Variants in P2RY8 observed in about 807,000 individuals in gnomAD.
The protein encoded by P2RY8 is S-geranylgeranyl-glutathione receptor P2RY8.
In P2RY8, 6 loss-of-function variants were observed where a neutral mutation model predicts 10.0. The ratio of observed to expected loss-of-function variants is 0.60; its 90% CI spans 0.33 to 1.19. P2RY8 has a LOEUF of 1.19. Among genes scored for constraint, P2RY8 ranks in the 50% most tolerant of loss-of-function variants. The probability of loss-of-function intolerance (pLI) is 0.04; values close to 1 mark genes in which losing one functional copy is unlikely to be tolerated. For synonymous variants in P2RY8, 276 were observed against 252.5 expected, an observed-to-expected ratio of 1.09 and a Z score of -0.88; for missense variants, 456 against 542.0, an observed-to-expected ratio of 0.84 and a Z score of 1.58.
intron 1 of P2RY8, among the ~76,000 whole-genome samples, chrX:1,506,688 T>TC: frequency 6.6e-6 from 1 of 151,904 alleles, no homozygotes; most frequent in African/African-American, 2.4e-5. Flanking sequence ...CTTTCTTTTT[T>TC]TTTTTTTGAG....
At chrX:1,502,970 G>A (rs2092194640) in intron 1 of P2RY8, among the ~76,000 whole-genome samples, 1 of 152,088 alleles carries the variant, frequency 6.6e-6, no homozygotes, top group African/African-American at 2.4e-5. Context: ...CTAGAGCCCA[G>A]AACCTGGAAT....
chrX:1,488,733 GGT>G (rs771296428), intron 1 of P2RY8, among the ~76,000 whole-genome samples: 21,064 of 147,268 alleles, frequency 0.14, 4,108 homozygotes, highest in African/African-American at 0.45. Flanking sequence ...GTAAATGCAG[GGT>G]GTGTGTGTGT....
At position 1,464,126 on chromosome X, in the gene P2RY8, C is replaced by G. The variant is rs1223734947; in HGVS notation, c.*1353G>C. ...GGAGGGGCCGGGCATCCAAGGCCACCCACTGCGGAGACGCAGAGCCCGTGG... is the reference window on the plus strand; with the variant it reads ...GGAGGGGCCGGGCATCCAAGGCCACGCACTGCGGAGACGCAGAGCCCGTGG... On this transcript the variant is annotated 3_prime_UTR_variant, in exon 2 of 2. Coordinates refer to ENST00000381297, the MANE Select transcript of P2RY8 (RefSeq NM_178129.5). 1 of 233,294 alleles carries G rather than the reference C, an allele frequency of 4.3e-6. No individual in the cohort carries two copies. Among genetic ancestry groups the G allele is most frequent in the African/African-American group, 2.2e-5 (1 of 45,360 alleles). 14.5% of individuals were successfully genotyped at this position (233,294 alleles called of 1,614,324 possible).
chrX:1,491,162 A>G (rs1393727635), intron 1 of P2RY8, among the ~76,000 whole-genome samples: 7 of 149,506 alleles, frequency 4.7e-5, no homozygotes, highest in Admixed American at 2.7e-4. Context: ...ATGATACCCC[A>G]GATTCACTTC....
At chrX:1,496,093 C>T (rs1272668588) in intron 1 of P2RY8, among the ~76,000 whole-genome samples, 6 of 152,154 alleles carry the variant, frequency 3.9e-5, no homozygotes, top group African/African-American at 1.2e-4. Context: ...TGTTTTATTA[C>T]GGCGGCCGAG....
At position 1,464,844 on chromosome X, in the gene P2RY8, C is replaced by T. The variant is rs759697125; in HGVS notation, c.*635G>A. Reference sequence around the variant, plus strand: ...GTAGCTGACTTGCAGGAGCCCCAGGCGCTCCTCTGAAAGAAGAATTCCAAC... The same window carrying T: ...GTAGCTGACTTGCAGGAGCCCCAGGTGCTCCTCTGAAAGAAGAATTCCAAC... On this transcript the variant is annotated 3_prime_UTR_variant, in exon 2 of 2. Transcript: ENST00000381297. The T allele has an allele frequency of 6.0e-5, 14 of 233,558 alleles. No individual in the cohort carries two copies. The highest frequency in any genetic ancestry group is 1.8e-4 in the South Asian group (1 of 5,534). 14.5% of individuals were successfully genotyped at this position (233,558 alleles called of 1,614,324 possible).
At chrX:1,516,518 T>G (rs1248096639) in intron 1 of P2RY8, among the ~76,000 whole-genome samples, 1 of 150,156 alleles carries the variant, frequency 6.7e-6, no homozygotes, top group Non-Finnish European at 1.5e-5. Flanking sequence ...CTAAGAGATC[T>G]CATAAGAAGA....
chrX:1,469,854 G>C (rs1489210070), intron 1 of P2RY8, among the ~76,000 whole-genome samples: 1 of 151,886 alleles, frequency 6.6e-6, no homozygotes, highest in Non-Finnish European at 1.5e-5. Context: ...AGCCGAGATC[G>C]CACCACTGTA....
In P2RY8 at chrX:1,516,149, G is replaced by A. The variant is rs765884196; in HGVS notation, c.-25+20772C>T. Among the ~76,000 whole-genome samples the A allele has an allele frequency of 1.6e-3, 237 of 151,276 alleles. 3 individuals carry two copies. The South Asian group carries it at 0.024, about 15-fold the overall frequency. On this transcript the variant is annotated intron_variant, in intron 1 of 1. Coordinates refer to ENST00000381297, the MANE Select transcript of P2RY8 (RefSeq NM_178129.5). ...GAGGCGGAGGTTGCAGTGAGCGGAG[G>A]TTGCACCACTGCACTCCAGCCTGGG...
intron 1 of P2RY8, among the ~76,000 whole-genome samples, chrX:1,519,352 T>G (rs1213905390): frequency 6.6e-6 from 1 of 151,102 alleles, no homozygotes; most frequent in Admixed American, 6.6e-5. Flanking sequence ...CCAATCATCT[T>G]TCTGATTCCA....
intron 1 of P2RY8, among the ~76,000 whole-genome samples, chrX:1,532,414 GA>G (rs1569538948): frequency 3.0e-5 from 4 of 134,750 alleles, no homozygotes; most frequent in African/African-American, 5.2e-5. Flanking sequence ...ATATGTATAT[GA>G]TGTGTATATA....
chrX:1,484,986 CTTTTTTTT>C (rs773650240), intron 1 of P2RY8, among the ~76,000 whole-genome samples: 6 of 81,420 alleles, frequency 7.4e-5, no homozygotes, highest in South Asian at 5.7e-4. Flanking sequence ...GTAATAATGT[CTTTTTTTT>C]TTTTTTTTTT....
chrX:1,478,723 C>T (rs2091903903), intron 1 of P2RY8, among the ~76,000 whole-genome samples: 2 of 152,030 alleles, frequency 1.3e-5, no homozygotes, highest in Non-Finnish European at 2.9e-5. Flanking sequence ...TATGATCCAC[C>T]CACCTCGGCC....
At chrX:1,530,164 C>G (rs867965306) in intron 1 of P2RY8, among the ~76,000 whole-genome samples, 332 of 5,416 alleles carry the variant, frequency 0.061, 2 homozygotes, top group Admixed American at 0.095. Context: ...TATGATCTAT[C>G]TATCTATCTA....
intron 1 of P2RY8, among the ~76,000 whole-genome samples, chrX:1,535,685 A>C (rs1383594065): frequency 7.0e-6 from 1 of 143,392 alleles, no homozygotes. Flanking sequence ...CAACATGGGA[A>C]GAAACAACCA....
intron 1 of P2RY8, among the ~76,000 whole-genome samples, chrX:1,499,593 C>G (rs1300080270): frequency 6.6e-6 from 1 of 151,616 alleles, no homozygotes; most frequent in African/African-American, 2.4e-5. Flanking sequence ...GTATTTACTG[C>G]GTATATTAAA....
At chrX:1,482,859 T>C (rs5948808) in intron 1 of P2RY8, among the ~76,000 whole-genome samples, 150,798 of 151,360 alleles carry the variant, frequency 1, 75,120 homozygotes, top group East Asian at 1. Flanking sequence ...AACCAAACAC[T>C]GCATGTTCTC....
At chrX:1,480,352 C>T (rs1347599541) in intron 1 of P2RY8, among the ~76,000 whole-genome samples, 5 of 150,832 alleles carry the variant, frequency 3.3e-5, no homozygotes, top group Non-Finnish European at 5.9e-5. Flanking sequence ...AGCTGGACTG[C>T]AGTGGCACGA....
At chrX:1,516,274 C>T (rs1307354972) in intron 1 of P2RY8, among the ~76,000 whole-genome samples, 1 of 126,996 alleles carries the variant, frequency 7.9e-6, no homozygotes, top group African/African-American at 2.9e-5. Context: ...TCTCTCCCTC[C>T]CTCCATTCCT....
Sources: gnomAD v4.1 joint callset for allele counts (sites outside exome capture counted in the v4.1 genomes callset) on GRCh38, gnomAD v4.1.1 for gene constraint, MANE v1.5 for transcripts, NCBI Gene and HGNC (gene_info 2026-07-23, HGNC 2026-07-21) for gene names.